UGGT1: variants seen among roughly 807,000 people sequenced by gnomAD.
UGGT1 encodes UDP-glucose:glycoprotein glucosyltransferase 1.
Under a neutral mutation model 203.9 loss-of-function variants are expected in UGGT1, and 107 were observed. The observed-to-expected ratio is 0.52, with a 90% CI of 0.45 to 0.62. The LOEUF (loss-of-function observed/expected upper bound fraction) is 0.62. Ranked by LOEUF, UGGT1 falls within the 20% of genes least tolerant of loss-of-function variation. The pLI is 0.00. For missense variants in UGGT1, 1,673 were observed against 1,867.2 expected, an observed-to-expected ratio of 0.90 and a Z score of 1.92; for synonymous variants, 628 against 653.5, an observed-to-expected ratio of 0.96 and a Z score of 0.59.
At position 128,168,729 on chromosome 2, in the gene UGGT1, A is replaced by G. The variant is rs184900704; in HGVS notation, c.2922-1559A>G. On this transcript the variant is annotated intron_variant, in intron 26 of 40. Transcript: ENST00000259253. ...TGTGACTTCACAGGGAGTCCATGCA[A>G]CAGGAAGTTACCATTCAGTTAAGAA... Among the ~76,000 whole-genome samples, 538 of 152,278 alleles carry G rather than the reference A, an allele frequency of 3.5e-3. 2 individuals carry two copies. Among genetic ancestry groups the G allele is most frequent in the South Asian group, 5.8e-3 (28 of 4,820 alleles).
rs773959047 is a variant in UGGT1 at position 128,192,435 on chromosome 2, G to A, written c.*2693G>A. 1 of 152,176 alleles carries A rather than the reference G, an allele frequency of 6.6e-6. No individual in the cohort carries two copies. The highest frequency in any genetic ancestry group is 2.4e-5 in the African/African-American group (1 of 41,426). The allele number at this position is 152,176 out of a possible 1,614,324, so 9.4% of individuals were successfully genotyped here. A position where few individuals can be genotyped will look rare whatever the true frequency, so the allele number is the denominator to read the frequency against. On this transcript the variant is annotated 3_prime_UTR_variant, in exon 41 of 41. Transcript: ENST00000259253. Reference sequence around the variant, plus strand: ...GAAGTAAGAATTGATTGTGCTGAATGTTCAAACTCTGGAAACTGTTCACAG... The same window carrying A: ...GAAGTAAGAATTGATTGTGCTGAATATTCAAACTCTGGAAACTGTTCACAG...
intron 1 of UGGT1, among the ~76,000 whole-genome samples, chr2:128,095,107 G>A (rs1015325952): frequency 1.3e-5 from 2 of 151,890 alleles, no homozygotes; most frequent in African/African-American, 4.8e-5. Flanking sequence ...GCTCCTCTGT[G>A]GGAAATGTCA....
chr2:128,127,715 A>G (rs1436801481), intron 12 of UGGT1, among the ~76,000 whole-genome samples: 2 of 152,150 alleles, frequency 1.3e-5, no homozygotes, highest in African/African-American at 4.8e-5. Context: ...CCACTTAACC[A>G]TGGGAACATA....
At chr2:128,094,621 T>C (rs1268921010) in intron 1 of UGGT1, among the ~76,000 whole-genome samples, 1 of 152,042 alleles carries the variant, frequency 6.6e-6, no homozygotes, top group Non-Finnish European at 1.5e-5. Context: ...GCCCTGATGC[T>C]AAAAGGTTCC....
In UGGT1 at chr2:128,164,736, C is replaced by A. The variant is rs184372637; in HGVS notation, c.2832C>A (p.Ser944Arg). Residue 944 changes from serine to arginine, a missense_variant, in exon 26 of 41, where the codon AGC becomes AGA. Ser to Arg is a moderately radical substitution (Grantham distance 110). Around this residue, in one of 4 missense-constraint regions of UGGT1, gnomAD observed 1,073 missense variants for 1,078.7 expected, o/e 0.99. Coordinates refer to ENST00000259253, the MANE Select transcript of UGGT1 (RefSeq NM_020120.4). ...CTCTAACCCCTTCTTTCAGGGCAAG[C>A]GACTTGGTAATGAAGGTGGATGCTC... ...QQLRVEEDVA[S>R]DLVMKVDALL... 7 of 1,613,760 alleles carry A rather than the reference C, an allele frequency of 4.3e-6. No individual in the cohort carries two copies. In the African/African-American group the frequency reaches 9.3e-5, roughly 22 times the overall value.
chr2:128,107,864 G>C, intron 3 of UGGT1, 74 bp from the exon 4 acceptor site: 2 of 1,591,756 alleles, frequency 1.3e-6, no homozygotes, highest in South Asian at 2.3e-5. Context: ...ACACAGCTTT[G>C]TGCTTCATGA....
chr2:128,184,269 C>T (rs1691864127), intron 38 of UGGT1, among the ~76,000 whole-genome samples: 1 of 152,112 alleles, frequency 6.6e-6, no homozygotes, highest in African/African-American at 2.4e-5. Flanking sequence ...TAATGTTAAG[C>T]ATTTTTCAGA....
intron 1 of UGGT1, among the ~76,000 whole-genome samples, chr2:128,094,614 C>T (rs73957649): frequency 1.4e-3 from 211 of 152,198 alleles, no homozygotes; most frequent in African/African-American, 4.7e-3. Context: ...CACAGCTGCC[C>T]TGATGCTAAA....
intron 13 of UGGT1, among the ~76,000 whole-genome samples, chr2:128,130,316 G>A (rs1055072004): frequency 6.6e-6 from 1 of 151,406 alleles, no homozygotes; most frequent in African/African-American, 2.4e-5. Flanking sequence ...GGGCAGTTGT[G>A]GTAAAAAATA....
At position 128,176,571 on chromosome 2, in the gene UGGT1, G is replaced by A. The variant is rs562058557; in HGVS notation, c.3540-243G>A. Among the ~76,000 whole-genome samples the A allele has an allele frequency of 4.6e-5, 7 of 152,272 alleles. No individual in the cohort carries two copies. In the East Asian group the frequency reaches 1.4e-3, roughly 29 times the overall value. On this transcript the variant is annotated intron_variant, in intron 31 of 40. Transcript: ENST00000259253. ...CACCATGTGGTTACCACACATGGGT[G>A]CCTCTCACTACGTGATGGGTAATTT... is the stretch of plus-strand genomic sequence containing the variant.
intron 12 of UGGT1, 110 bp downstream of exon 12, chr2:128,127,562 C>T: frequency 1.3e-6 from 1 of 797,140 alleles, no homozygotes; most frequent in Non-Finnish European, 2.0e-6. Flanking sequence ...AGTCTGATGG[C>T]TTACCAGCCC....
At chr2:128,169,235 G>A (rs1690967947) in intron 26 of UGGT1, among the ~76,000 whole-genome samples, 1 of 151,988 alleles carries the variant, frequency 6.6e-6, no homozygotes, top group Non-Finnish European at 1.5e-5. Flanking sequence ...GCCCGGCATG[G>A]TGGCATGTGT....
rs776464212 is a variant in UGGT1, at chr2:128,157,219, C to G, written c.2261-33C>G. 6 of 1,492,004 alleles carry G rather than the reference C, an allele frequency of 4.0e-6. No homozygotes were observed. The East Asian group carries it at 1.4e-4, about 34-fold the overall frequency. 92.4% of individuals were successfully genotyped at this position (1,492,004 alleles called of 1,614,324 possible). On this transcript the variant is annotated intron_variant, in intron 21 of 40. Transcript: ENST00000259253. ...GAAACACAGAATGTGCTTCTCTCCTCTGACTCAATTAGCTGTTTTTGTTTT... is the reference window on the plus strand; with the variant it reads ...GAAACACAGAATGTGCTTCTCTCCTGTGACTCAATTAGCTGTTTTTGTTTT...
Position 128,145,851 on chromosome 2 carries a change from G to A in UGGT1, c.1900G>A (p.Val634Met). ...GACTGGAGTTGGACCTCTGCCCGTTGTGCTGTTCAATGGAATGCCCTTTGA... is the reference window on the plus strand; with the variant it reads ...GACTGGAGTTGGACCTCTGCCCGTTATGCTGTTCAATGGAATGCCCTTTGA... ...EQTGVGPLPV[V>M]LFNGMPFERE... is the part of the protein sequence containing the mutation. The change falls in exon 18 of 41, where the codon GTG (valine) becomes ATG (methionine). Residue 634 changes from valine (V) to methionine (M), a missense_variant. Transcript: ENST00000259253. 6.2e-7 allele frequency: 1 copy of A among 1,613,566 alleles called. No individual in the cohort carries two copies. Among genetic ancestry groups the A allele is most frequent in the Non-Finnish European group, 8.5e-7 (1 of 1,179,668 alleles).
Position 128,193,838 on chromosome 2 carries a change from A to G in UGGT1, c.*4096A>G, listed in dbSNP as rs1414865085. 6.6e-6 allele frequency: 1 copy of G among 152,212 alleles called. No individual in the cohort carries two copies. The highest frequency in any genetic ancestry group is 1.5e-5 in the Non-Finnish European group (1 of 68,038). 9.4% of individuals were successfully genotyped at this position (152,212 alleles called of 1,614,324 possible). ...GAAGTATATTTAGATACTTGAAAGC[A>G]GTCCTTTTCTAAAATGGCCTTACCT... On this transcript the variant is annotated 3_prime_UTR_variant, in exon 41 of 41. Transcript: ENST00000259253.
chr2:128,177,847 G>A lies in UGGT1; in HGVS notation c.3640G>A (p.Asp1214Asn). The A allele has an allele frequency of 6.2e-7, 1 of 1,601,800 alleles. No individual in the cohort carries two copies. The highest frequency in any genetic ancestry group is 8.5e-7 in the Non-Finnish European group (1 of 1,174,734). ...TTGATTGCAGGTTCAGAAGAAGGCA[G>A]ATATGGTGAACGAAGACTTGCTGAG... ...IIKVKVQKKA[D>N]MVNEDLLSDG... Residue 1214 changes from aspartate (D) to asparagine (N), a missense_variant, in exon 33 of 41, where the codon GAT (aspartate) becomes AAT (asparagine). By Grantham distance (23) the Asp-to-Asn change is conservative. Coordinates refer to ENST00000259253, the MANE Select transcript of UGGT1 (RefSeq NM_020120.4).
chr2:128,168,446 G>T (rs1690906208), intron 26 of UGGT1, among the ~76,000 whole-genome samples: 1 of 152,070 alleles, frequency 6.6e-6, no homozygotes, highest in Non-Finnish European at 1.5e-5. Flanking sequence ...CATGTAAATT[G>T]TTTCCAGTTT....
intron 3 of UGGT1, among the ~76,000 whole-genome samples, chr2:128,106,641 A>G (rs1486363011): frequency 6.6e-6 from 1 of 152,134 alleles, no homozygotes; most frequent in East Asian, 1.9e-4. Context: ...ATCTCGCTGC[A>G]ACCTCTGCCT....
intron 37 of UGGT1, among the ~76,000 whole-genome samples, chr2:128,182,576 G>A (rs1691750202): frequency 1.3e-5 from 2 of 151,942 alleles, no homozygotes; most frequent in South Asian, 4.2e-4. Flanking sequence ...GTGGGCGCCT[G>A]TAATCCCAGC....
Sources: gnomAD v4.1 joint callset for allele counts (sites outside exome capture counted in the v4.1 genomes callset) on GRCh38, gnomAD v4.1.1 for gene constraint, gnomAD v4.1.1 regional missense constraint, MANE v1.5 for transcripts, NCBI Gene and HGNC (gene_info 2026-07-23, HGNC 2026-07-21) for gene names.